UBAP2: variants seen among roughly 807,000 people sequenced by gnomAD.
UBAP2 encodes the protein ubiquitin-associated protein 2.
UBAP2 carries 75 observed loss-of-function variants against 139.6 expected under a neutral mutation model. That is an observed-to-expected ratio of 0.54 (90% CI 0.45 to 0.65). UBAP2 has a LOEUF of 0.65. Among genes scored for constraint, UBAP2 ranks in the 30% least tolerant of loss-of-function variants. The pLI, the probability that UBAP2 is intolerant of heterozygous loss-of-function variation, is 0.00. For synonymous variants in UBAP2, 526 were observed against 526.2 expected (o/e 1.00, Z 0.01); for missense variants, 1,368 against 1,369.6 (o/e 1.00, Z 0.02).
At chr9:33,924,860 C>T (rs1823280588) in intron 22 of UBAP2, among the ~76,000 whole-genome samples, 1 of 152,186 alleles carries the variant, frequency 6.6e-6, no homozygotes, top group African/African-American at 2.4e-5. Context: ...GAATGTGGCC[C>T]AACACAAATT....
intron 17 of UBAP2, among the ~76,000 whole-genome samples, chr9:33,934,987 C>T (rs896426541): frequency 1.3e-5 from 2 of 152,172 alleles, no homozygotes; most frequent in Non-Finnish European, 2.9e-5. Context: ...GTTCAATATC[C>T]GCACTCCCAG....
At chr9:33,943,683 G>A in intron 14 of UBAP2, 94 bp from the exon 15 acceptor site, 3 of 1,101,586 alleles carry the variant, frequency 2.7e-6, no homozygotes, top group Non-Finnish European at 3.9e-6. Context: ...TAGGTTCCCA[G>A]GCAATACTGG....
intron 5 of UBAP2, among the ~76,000 whole-genome samples, chr9:33,988,031 C>T (rs993578056): frequency 6.6e-6 from 1 of 152,188 alleles, no homozygotes; most frequent in African/African-American, 2.4e-5. Flanking sequence ...CAGAGGCTGA[C>T]TCACATGAAT....
intron 1 of UBAP2, among the ~76,000 whole-genome samples, chr9:34,040,096 T>A (rs1587704500): frequency 6.6e-6 from 1 of 150,486 alleles, no homozygotes; most frequent in Non-Finnish European, 1.5e-5. Flanking sequence ...GAGGCGGAGG[T>A]TGCGTTGAGC....
At chr9:34,037,387 G>A (rs1395011906) in intron 1 of UBAP2, among the ~76,000 whole-genome samples, 7 of 152,064 alleles carry the variant, frequency 4.6e-5, no homozygotes, top group Admixed American at 4.6e-4. Flanking sequence ...CACTTGCCTT[G>A]GTCTCCCAAA....
intron 8 of UBAP2, among the ~76,000 whole-genome samples, chr9:33,965,870 A>G (rs1368483910): frequency 6.6e-6 from 1 of 151,924 alleles, no homozygotes; most frequent in African/African-American, 2.4e-5. Flanking sequence ...AACACAGTGA[A>G]GCCCCGTCTC....
At chr9:33,961,381 T>A (rs2131010036) in intron 9 of UBAP2, among the ~76,000 whole-genome samples, 1 of 152,338 alleles carries the variant, frequency 6.6e-6, no homozygotes, top group African/African-American at 2.4e-5. Flanking sequence ...ACTACATGGC[T>A]TCCTAATAGG....
At chr9:33,952,393 A>G (rs1422715522) in intron 12 of UBAP2, among the ~76,000 whole-genome samples, 3 of 152,196 alleles carry the variant, frequency 2.0e-5, no homozygotes, top group African/African-American at 7.2e-5. Context: ...TGGGAGCTTA[A>G]CACACATTGG....
chr9:33,998,627 A>C, intron 3 of UBAP2, 160 bp downstream of exon 3: 1 of 572,744 alleles, frequency 1.7e-6, no homozygotes, highest in Non-Finnish European at 3.0e-6. Context: ...CCACCAATAA[A>C]GGTATTTTTA....
chr9:34,035,514 A>AAATATATATATATATAT, intron 1 of UBAP2, among the ~76,000 whole-genome samples: 9 of 22,490 alleles, frequency 4.0e-4, no homozygotes, highest in South Asian at 9.7e-4. Flanking sequence ...AAAAAAAAAA[A>AAATATATATATATATAT]ATATATATAT....
intron 11 of UBAP2, 30 bp downstream of exon 11, chr9:33,956,049 A>G (rs1826535978): frequency 1.3e-6 from 2 of 1,560,488 alleles, no homozygotes; most frequent in South Asian, 1.2e-5. Flanking sequence ...TGCTTTGAAT[A>G]ACAAATATAA....
At chr9:34,020,106 G>A (rs915384669) in intron 1 of UBAP2, among the ~76,000 whole-genome samples, 1 of 146,776 alleles carries the variant, frequency 6.8e-6, no homozygotes, top group Non-Finnish European at 1.5e-5. Context: ...GTTGCAGTGA[G>A]CCCACTGCAC....
intron 1 of UBAP2, 32 bp from the exon 2 acceptor site, chr9:34,017,221 A>T: frequency 1.9e-6 from 2 of 1,042,476 alleles, no homozygotes; most frequent in Non-Finnish European, 2.8e-6. Context: ...AAGCAAAACA[A>T]TCATAGTAAA....
At chr9:34,028,760 C>T (rs1283551520) in intron 1 of UBAP2, among the ~76,000 whole-genome samples, 2 of 151,690 alleles carry the variant, frequency 1.3e-5, no homozygotes, top group African/African-American at 4.8e-5. Flanking sequence ...TATTCATAAC[C>T]AGTCTTCACC....
At position 34,008,029 on chromosome 9, in the gene UBAP2, A is replaced by G. The variant is rs893811198; in HGVS notation, c.99+9021T>C. Among the ~76,000 whole-genome samples, 6 of 152,154 alleles carry G rather than the reference A, an allele frequency of 3.9e-5. No homozygotes were observed. In the South Asian group the frequency reaches 1.2e-3, roughly 32 times the overall value. On this transcript the variant is annotated intron_variant, in intron 2 of 28. Transcript: ENST00000379238. ...TGACCAATTATTTTAAAAGAGGGCCAGAGGCTGAGGCAGGAGAATCGCTTG... is the reference window on the plus strand; with the variant it reads ...TGACCAATTATTTTAAAAGAGGGCCGGAGGCTGAGGCAGGAGAATCGCTTG...
chr9:34,004,784 CA>C (rs140566412), intron 2 of UBAP2, among the ~76,000 whole-genome samples: 11,666 of 127,300 alleles, frequency 0.092, 632 homozygotes, highest in Non-Finnish European at 0.13. Flanking sequence ...ATTCTGTCTC[CA>C]AAAAAAAAAA....
In UBAP2 at chr9:34,017,144, A is replaced by G; in HGVS notation, c.5T>C (p.Met2Thr). 6.3e-7 allele frequency: 1 copy of G among 1,599,914 alleles called. No homozygotes were observed. Among genetic ancestry groups the G allele is most frequent in the Non-Finnish European group, 8.5e-7 (1 of 1,175,422 alleles). M[M>T]TSVSSDHCRG... ...ACAATGGTCACTGCTCACTGAAGTC[A>G]TCATATACAGTATATACAAAATAAT... Residue 2 changes from methionine to threonine, a missense_variant, in exon 2 of 29, where the codon ATG becomes ACG. By Grantham distance (81) the Met-to-Thr change is moderately conservative. Transcript: ENST00000379238.
rs3860995 is a variant in UBAP2 at position 33,990,095 on chromosome 9, T to A, written c.289-969A>T. ...TATAAATGGCTGAGAAAGAAAAAGATACTACATTCTTGACTATAAGTGGAT... is the reference window on the plus strand; with the variant it reads ...TATAAATGGCTGAGAAAGAAAAAGAAACTACATTCTTGACTATAAGTGGAT... On this transcript the variant is annotated intron_variant, in intron 4 of 28. Transcript: ENST00000379238. Among the ~76,000 whole-genome samples the A allele has an allele frequency of 5.9e-5, 9 of 152,182 alleles. No individual in the cohort carries two copies. The East Asian group carries it at 1.3e-3, about 23-fold the overall frequency.
chr9:34,047,778 G>A (rs1229408285), intron 1 of UBAP2, among the ~76,000 whole-genome samples: 1 of 152,204 alleles, frequency 6.6e-6, no homozygotes, highest in African/African-American at 2.4e-5. Context: ...CCAGGAGCTG[G>A]AGGCCAGCCT....
Sources: allele counts gnomAD v4.1 joint callset (sites outside exome capture counted in the v4.1 genomes callset), GRCh38; gene constraint gnomAD v4.1.1; transcripts MANE v1.5; gene names NCBI Gene and HGNC (gene_info 2026-07-23, HGNC 2026-07-21).